The following SLC27A5 variants were observed in gnomAD, a reference collection of about 807,000 sequenced individuals.
SLC27A5 encodes long-chain fatty acid transport protein 5.
In SLC27A5, 47 loss-of-function variants were observed where a neutral mutation model predicts 63.1. That is an observed-to-expected ratio of 0.74 (90% CI 0.59 to 0.95). The LOEUF (loss-of-function observed/expected upper bound fraction) is 0.95. Among genes scored for constraint, SLC27A5 ranks in the 40% least tolerant of loss-of-function variants. The probability of loss-of-function intolerance (pLI) is 0.00; values close to 1 mark genes in which losing one functional copy is unlikely to be tolerated. For synonymous variants in SLC27A5, 391 were observed against 403.8 expected (o/e 0.97, Z 0.38); for missense variants, 940 against 921.0 (o/e 1.02, Z -0.27).
chr19:58,498,944 G>T, intron 8 of SLC27A5, 29 bp from the exon 9 acceptor site: 1 of 1,602,404 alleles, frequency 6.2e-7, no homozygotes, highest in South Asian at 1.1e-5. Context: ...ACTCTCGGCT[G>T]ACCCATCTCG....
At chr19:58,500,741 T>C (rs1450786289) in intron 4 of SLC27A5, 35 bp from the exon 5 acceptor site, 3 of 1,599,026 alleles carry the variant, frequency 1.9e-6, no homozygotes, top group African/African-American at 2.7e-5. Flanking sequence ...GAGGAGGAGG[T>C]GCTCTTGGGG....
chr19:58,498,722 G>A, intron 9 of SLC27A5, 31 bp from the exon 10 acceptor site: 1 of 1,610,946 alleles, frequency 6.2e-7, no homozygotes, highest in Non-Finnish European at 8.5e-7. Flanking sequence ...TCCAATCACT[G>A]TGACATCCAC....
chr19:58,499,779 C>T (rs557487241), intron 6 of SLC27A5, 89 bp from the exon 7 acceptor site: 8 of 1,279,178 alleles, frequency 6.3e-6, no homozygotes, highest in African/African-American at 2.9e-5. Flanking sequence ...TCTTCATCAC[C>T]CAGCACCCTG....
At chr19:58,504,573 T>TGGGGGGGGG (rs57027973) in intron 3 of SLC27A5, among the ~76,000 whole-genome samples, 10 of 62,068 alleles carry the variant, frequency 1.6e-4, no homozygotes, top group South Asian at 5.7e-4. Flanking sequence ...GATTGAACCC[T>TGGGGGGGGG]GGGGGGGGGG....
Position 58,511,690 on chromosome 19 carries a change from G to A in SLC27A5, c.266C>T (p.Ala89Val), listed in dbSNP as rs1394078389. The A allele has an allele frequency of 1.9e-6, 3 of 1,572,102 alleles. No homozygotes were observed. The highest frequency in any genetic ancestry group is 2.3e-5 in the East Asian group (1 of 42,716). Residue 89 changes from alanine (A) to valine (V), a missense_variant, in exon 1 of 10, where the codon GCT becomes GTT. Physicochemically the swap from Ala to Val is moderately conservative, Grantham distance 64. Coordinates refer to ENST00000263093, the MANE Select transcript of SLC27A5 (RefSeq NM_012254.3). The stretch of plus-strand genomic sequence containing the variant: ...GATCTTGGCCAAGAAGATCACATCA[G>A]CCGGCAGCCAGCGTAGTCCTGGGGG... ...RLPPGLRWLP[A>V]DVIFLAKILH...
intron 3 of SLC27A5, chr19:58,508,974 G>A (rs1167930955): frequency 6.6e-6 from 1 of 151,918 alleles, no homozygotes; most frequent in African/African-American, 2.4e-5. Flanking sequence ...CTACTCAGGA[G>A]GCTGAGGCAG....
At chr19:58,502,901 AG>A (rs1226451671) in intron 3 of SLC27A5, among the ~76,000 whole-genome samples, 1 of 151,966 alleles carries the variant, frequency 6.6e-6, no homozygotes. Context: ...ATGCAGAGGC[AG>A]GGGGGTAGAA....
chr19:58,504,828 A>G (rs1213533408), intron 3 of SLC27A5, among the ~76,000 whole-genome samples: 1 of 151,336 alleles, frequency 6.6e-6, no homozygotes, highest in Non-Finnish European at 1.5e-5. Context: ...ACACCGTGAA[A>G]CCCTGTCTCT....
At chr19:58,511,197 C>T in intron 1 of SLC27A5, 71 bp downstream of exon 1, 3 of 1,456,152 alleles carry the variant, frequency 2.1e-6, no homozygotes, top group Non-Finnish European at 2.7e-6. Context: ...TCTGCCAGTC[C>T]CAGCAGAACC....
chr19:58,510,157 A>C, intron 2 of SLC27A5, 152 bp from the exon 3 acceptor site: 1 of 683,004 alleles, frequency 1.5e-6, no homozygotes, highest in Non-Finnish European at 2.3e-6. Context: ...TTGGGTTCAC[A>C]GGCTGAATTT....
chr19:58,503,577 C>G (rs538332231), intron 3 of SLC27A5, among the ~76,000 whole-genome samples: 2 of 151,832 alleles, frequency 1.3e-5, no homozygotes, highest in African/African-American at 4.8e-5. Flanking sequence ...GTGGAAGAAT[C>G]GCTTGAACCC....
At chr19:58,499,383 C>T in intron 7 of SLC27A5, 109 bp downstream of exon 7, 1 of 1,378,604 alleles carries the variant, frequency 7.3e-7, no homozygotes. Flanking sequence ...ACTCCAAGTT[C>T]CGCCCTCTTA....
In SLC27A5 at chr19:58,510,877, G is replaced by GGAT. The variant is rs2053402924; in HGVS notation, c.739_741dup (p.Ile247dup). ...GAGGTATGGCTGAGGTAGAAGCAGC[G>GGAT]GATGTTCTCAGCCTGCAGCTTGGGA... is the stretch of plus-strand genomic sequence containing the variant. On this transcript the variant is annotated inframe_insertion, in exon 2 of 10. Coordinates refer to ENST00000263093, the MANE Select transcript of SLC27A5 (RefSeq NM_012254.3). 1 of 1,612,524 alleles carries GGAT rather than the reference G, an allele frequency of 6.2e-7. No individual in the cohort carries two copies. The highest frequency in any genetic ancestry group is 1.1e-5 in the South Asian group (1 of 90,772).
Position 58,499,705 on chromosome 19 carries a change from G to A in SLC27A5, c.1469-15C>T, listed in dbSNP as rs760409442. On this transcript the variant is annotated splice_polypyrimidine_tract_variant and intron_variant, in intron 6 of 9. Coordinates refer to ENST00000263093, the MANE Select transcript of SLC27A5 (RefSeq NM_012254.3). ...CCCCGGCTCCCCTGGGGTAGGAGCA[G>A]GAACAAGAACCCCTGGAGCCCACCA... is the stretch of plus-strand genomic sequence containing the variant. 8.7e-6 allele frequency: 14 copies of A among 1,609,574 alleles called. No individual in the cohort carries two copies. Among genetic ancestry groups the A allele is most frequent in the Non-Finnish European group, 1.2e-5 (14 of 1,179,710 alleles).
intron 3 of SLC27A5, among the ~76,000 whole-genome samples, chr19:58,501,882 G>A (rs1262519591): frequency 2.0e-5 from 3 of 152,292 alleles, no homozygotes; most frequent in African/African-American, 7.2e-5. Context: ...TCACCATGTT[G>A]GCCAGGCTGG....
chr19:58,501,704 C>T (rs147783335), intron 3 of SLC27A5, among the ~76,000 whole-genome samples: 1,852 of 152,270 alleles, frequency 0.012, 41 homozygotes, highest in African/African-American at 0.042. Context: ...GACGGAGTCT[C>T]GCTCTGTTGC....
In SLC27A5 at chr19:58,498,465, G is replaced by C; in HGVS notation, c.*50C>G. On this transcript the variant is annotated 3_prime_UTR_variant, in exon 10 of 10. Coordinates refer to ENST00000263093, the MANE Select transcript of SLC27A5 (RefSeq NM_012254.3). ...GATGAAAGGGACACCGAGTGTGTTGGGGTGGGGGTGGCTGGCTTTGATCCC... is the reference window on the plus strand; with the variant it reads ...GATGAAAGGGACACCGAGTGTGTTGCGGTGGGGGTGGCTGGCTTTGATCCC... The C allele has an allele frequency of 6.5e-7, 1 of 1,547,880 alleles. No homozygotes were observed. Among genetic ancestry groups the C allele is most frequent in the Non-Finnish European group, 8.8e-7 (1 of 1,138,932 alleles).
Position 58,511,805 on chromosome 19 carries a change from A to T in SLC27A5, c.151T>A (p.Leu51Ile). The change falls in exon 1 of 10, where the codon TTA (leucine) becomes ATA (isoleucine). Residue 51 changes from leucine to isoleucine, a missense_variant. Leu to Ile is a conservative substitution (Grantham distance 5, BLOSUM62 2). Coordinates refer to ENST00000263093, the MANE Select transcript of SLC27A5 (RefSeq NM_012254.3). The stretch of plus-strand genomic sequence containing the variant: ...CAGGGGCCGAGCCAGGGCCGTGCTA[A>T]CATGGCCAGCCCAAGTAGCACGCAA... ...TCCVLLGLAM[L>I]ARPWLGPWVP... 6.4e-7 allele frequency: 1 copy of T among 1,558,156 alleles called. No homozygotes were observed. Among genetic ancestry groups the T allele is most frequent in the Non-Finnish European group, 8.7e-7 (1 of 1,151,494 alleles).
At chr19:58,507,843 G>A (rs2053364417) in intron 3 of SLC27A5, 1 of 152,136 alleles carries the variant, frequency 6.6e-6, no homozygotes, top group Non-Finnish European at 1.5e-5. Flanking sequence ...GTCTCCTGCA[G>A]TACCCTCAGG....
Sources: allele counts gnomAD v4.1 joint callset (sites outside exome capture counted in the v4.1 genomes callset), GRCh38; gene constraint gnomAD v4.1.1; transcripts MANE v1.5; gene names NCBI Gene and HGNC (gene_info 2026-07-23, HGNC 2026-07-21).